RAD21: variants seen among roughly 807,000 people sequenced by gnomAD.
RAD21 encodes the protein RAD21 cohesin complex component.
Under a neutral mutation model 71.5 loss-of-function variants are expected in RAD21, and 18 were observed. That is an observed-to-expected ratio of 0.25 (90% CI 0.17 to 0.37). The LOEUF (loss-of-function observed/expected upper bound fraction) is 0.37, where lower values mean the gene tolerates loss of function less well. Ranked by LOEUF, RAD21 falls within the 10% of genes least tolerant of loss-of-function variation. The probability of loss-of-function intolerance (pLI) is 1.00; values close to 1 mark genes in which losing one functional copy is unlikely to be tolerated. For missense variants in RAD21, 493 were observed against 769.1 expected, an observed-to-expected ratio of 0.64 and a Z score of 4.25; for synonymous variants, 248 against 254.0, an observed-to-expected ratio of 0.98 and a Z score of 0.22.
chr8:116,860,126 A>G (rs1054835741), intron 4 of RAD21, among the ~76,000 whole-genome samples: 23 of 152,180 alleles, frequency 1.5e-4, no homozygotes, highest in Non-Finnish European at 1.9e-4. Context: ...TTAGAAGTGG[A>G]GCCTGAAGGT....
At chr8:116,856,087 G>T in intron 8 of RAD21, 79 bp downstream of exon 8, 1 of 1,458,716 alleles carries the variant, frequency 6.9e-7, no homozygotes. Context: ...TACAACAGTA[G>T]CAGATCAGTA....
chr8:116,870,847 A>C (rs527794600), intron 1 of RAD21, among the ~76,000 whole-genome samples: 1 of 152,332 alleles, frequency 6.6e-6, no homozygotes, highest in Non-Finnish European at 1.5e-5. Flanking sequence ...ATATGTAAAA[A>C]ATTTTAGACG....
At position 116,856,078 on chromosome 8, in the gene RAD21, A is replaced by G. The variant is rs16888924; in HGVS notation, c.937+88T>C. The G allele has an allele frequency of 6.7e-4, 955 of 1,425,886 alleles. 6 individuals are homozygous for G. In the African/African-American group the frequency reaches 0.011, roughly 17 times the overall value. 88.3% of individuals were successfully genotyped at this position (1,425,886 alleles called of 1,614,324 possible). On this transcript the variant is annotated intron_variant, in intron 8 of 13. Transcript: ENST00000297338. ...AAAGCAAGAAGCCTAGTTATCTAAT[A>G]CAACAGTAGCAGATCAGTAGACAGG...
In RAD21 at chr8:116,858,322, T is replaced by A. The variant is rs1209869578; in HGVS notation, c.481+30A>T. Reference sequence around the variant, plus strand: ...TTAGCAACACAATATAACATTATAATTAATGGCTAATAATTTGTTTCTCTT... The same window carrying A: ...TTAGCAACACAATATAACATTATAAATAATGGCTAATAATTTGTTTCTCTT... On this transcript the variant is annotated intron_variant, in intron 5 of 13. Transcript: ENST00000297338. 2.0e-6 allele frequency: 3 copies of A among 1,503,142 alleles called. No individual in the cohort carries two copies. In the African/African-American group the frequency reaches 4.1e-5, roughly 21 times the overall value. 93.1% of individuals were successfully genotyped at this position (1,503,142 alleles called of 1,614,324 possible).
chr8:116,869,967 C>A (rs989160973), intron 1 of RAD21, among the ~76,000 whole-genome samples: 4 of 151,984 alleles, frequency 2.6e-5, no homozygotes, highest in African/African-American at 9.7e-5. Flanking sequence ...ATTTTAGTTA[C>A]GCGTATCACA....
intron 1 of RAD21, among the ~76,000 whole-genome samples, chr8:116,870,652 C>G (rs555408376): frequency 6.6e-6 from 1 of 152,262 alleles, no homozygotes; most frequent in South Asian, 2.1e-4. Context: ...GCAGCATGTT[C>G]TGAGAAATAT....
intron 1 of RAD21, among the ~76,000 whole-genome samples, chr8:116,869,749 T>C (rs932309196): frequency 6.6e-6 from 1 of 152,074 alleles, no homozygotes; most frequent in Non-Finnish European, 1.5e-5. Flanking sequence ...AATTAAAAAA[T>C]AGTGGCAACA....
At chr8:116,859,241 TG>T (rs1472902061) in intron 4 of RAD21, among the ~76,000 whole-genome samples, 1 of 152,170 alleles carries the variant, frequency 6.6e-6, no homozygotes, top group African/African-American at 2.4e-5. Context: ...CAAAGGTTTG[TG>T]GTAACAGTGC....
At chr8:116,860,731 G>A (rs991034491) in intron 4 of RAD21, among the ~76,000 whole-genome samples, 3 of 152,010 alleles carry the variant, frequency 2.0e-5, no homozygotes, top group African/African-American at 7.2e-5. Flanking sequence ...GCTTTACTGT[G>A]GTGGAACCAA....
intron 9 of RAD21, among the ~76,000 whole-genome samples, chr8:116,853,840 A>G (rs975457437): frequency 1.3e-5 from 2 of 152,152 alleles, no homozygotes; most frequent in African/African-American, 4.8e-5. Flanking sequence ...ACAAACAAAC[A>G]AACAAAAAAA....
intron 1 of RAD21, among the ~76,000 whole-genome samples, chr8:116,868,784 T>C (rs899343056): frequency 6.6e-5 from 10 of 151,372 alleles, no homozygotes; most frequent in African/African-American, 1.9e-4. Context: ...AACCCAGAAA[T>C]AGCCCGCACA....
rs2130466109 is a variant in RAD21, at chr8:116,856,146, C to T, written c.937+20G>A. ...ACCTTATGTTGTATGCTGTATAAAT[C>T]TAAAGGTTCATATGCTTACCAGTTA... On this transcript the variant is annotated intron_variant, in intron 8 of 13. Coordinates refer to ENST00000297338, the MANE Select transcript of RAD21 (RefSeq NM_006265.3). 1 of 1,605,442 alleles carries T rather than the reference C, an allele frequency of 6.2e-7. No individual in the cohort carries two copies. Among genetic ancestry groups the T allele is most frequent in the African/African-American group, 1.3e-5 (1 of 74,144 alleles).
At chr8:116,853,583 G>A (rs1206692371) in intron 9 of RAD21, among the ~76,000 whole-genome samples, 1 of 152,072 alleles carries the variant, frequency 6.6e-6, no homozygotes, top group Non-Finnish European at 1.5e-5. Flanking sequence ...AATAGTTTAA[G>A]GACCTTCTTA....
intron 9 of RAD21, among the ~76,000 whole-genome samples, chr8:116,853,005 C>A (rs1812386910): frequency 1.3e-5 from 2 of 152,188 alleles, no homozygotes; most frequent in South Asian, 4.1e-4. Context: ...AAAACTCATC[C>A]TAACTGGTCT....
intron 4 of RAD21, among the ~76,000 whole-genome samples, chr8:116,859,039 C>A (rs1586269919): frequency 6.8e-6 from 1 of 147,480 alleles, no homozygotes. Flanking sequence ...TCAGGAGACC[C>A]ATAAGCTATA....
At chr8:116,873,756 C>A (rs75433749) in intron 1 of RAD21, among the ~76,000 whole-genome samples, 4,323 of 152,108 alleles carry the variant, frequency 0.028, 206 homozygotes, top group African/African-American at 0.097. Flanking sequence ...GACAGTGTCA[C>A]CCCACACTAT....
intron 1 of RAD21, among the ~76,000 whole-genome samples, chr8:116,873,707 C>G (rs1235198446): frequency 6.6e-6 from 1 of 151,738 alleles, no homozygotes; most frequent in African/African-American, 2.4e-5. Flanking sequence ...TTCCCTCTTA[C>G]AAATTTGAAG....
chr8:116,847,727 A>T (rs1195647446), intron 13 of RAD21, 36 bp from the exon 14 acceptor site: 3 of 1,546,926 alleles, frequency 1.9e-6, no homozygotes, highest in Non-Finnish European at 2.6e-6. Context: ...CTTAATCTGT[A>T]TAATAAAGTA....
chr8:116,849,337 G>A (rs923573603), intron 12 of RAD21: 10 of 297,758 alleles, frequency 3.4e-5, no homozygotes, highest in African/African-American at 1.9e-4. Flanking sequence ...GCTGATCATG[G>A]AGGTTTTGGT....
Sources: gnomAD v4.1 joint callset for allele counts (sites outside exome capture counted in the v4.1 genomes callset) on GRCh38, gnomAD v4.1.1 for gene constraint, MANE v1.5 for transcripts, NCBI Gene and HGNC (gene_info 2026-07-23, HGNC 2026-07-21) for gene names.